Variants in TMEM68 observed in about 807,000 individuals in gnomAD.
TMEM68 encodes the protein DGAT1/2-independent enzyme synthesizing storage lipids.
In TMEM68, 25 loss-of-function variants were observed where a neutral mutation model predicts 36.9. The ratio of observed to expected loss-of-function variants is 0.68; its 90% confidence interval spans 0.49 to 0.95. The LOEUF is 0.95. Among genes scored for constraint, TMEM68 ranks in the 40% least tolerant of loss-of-function variants. The probability of loss-of-function intolerance (pLI) is 0.00; values close to 1 mark genes in which losing one functional copy is unlikely to be tolerated. For synonymous variants in TMEM68, 131 were observed against 124.4 expected (o/e 1.05, Z -0.35); for missense variants, 333 against 392.0 (o/e 0.85, Z 1.27).
In TMEM68 at chr8:55,763,035, G is replaced by T; in HGVS notation, c.-69-7C>A. On this transcript the variant is annotated splice_polypyrimidine_tract_variant and splice_region_variant and intron_variant, in intron 2 of 7. Coordinates refer to ENST00000434581, the MANE Select transcript of TMEM68 (RefSeq NM_001286657.2). Reference sequence around the variant, plus strand: ...CAGGTCGCTAATTTTGACACTAGAAGGGAAAAATAATCCAGTATTATTTTC... The same window carrying T: ...CAGGTCGCTAATTTTGACACTAGAATGGAAAAATAATCCAGTATTATTTTC... The T allele has an allele frequency of 1.4e-6, 2 of 1,435,992 alleles. No homozygotes were observed. The highest frequency in any genetic ancestry group is 1.4e-5 in the South Asian group (1 of 69,318). The allele number at this position is 1,435,992 out of a possible 1,614,324, so 89.0% of individuals were successfully genotyped here. A position where few individuals can be genotyped will look rare whatever the true frequency, so the allele number is the denominator to read the frequency against.
chr8:55,770,228 C>T (rs889363781), intron 1 of TMEM68, among the ~76,000 whole-genome samples: 4 of 152,186 alleles, frequency 2.6e-5, no homozygotes, highest in African/African-American at 7.2e-5. Flanking sequence ...GCTTCCAACA[C>T]ACTTTCTTTG....
At chr8:55,756,093 T>G (rs1045817931) in intron 4 of TMEM68, 151 bp downstream of exon 4, 2 of 456,382 alleles carry the variant, frequency 4.4e-6, no homozygotes, top group African/African-American at 4.1e-5. Context: ...TAATTAGATA[T>G]TCCCATATTA....
rs1219530124 is a variant in TMEM68, at chr8:55,739,832, T to C, written c.*300A>G. The C allele has an allele frequency of 3.4e-6, 1 of 297,678 alleles. No homozygotes were observed. The highest frequency in any genetic ancestry group is 6.2e-6 in the Non-Finnish European group (1 of 160,876). The allele number at this position is 297,678 out of a possible 1,614,324, so 18.4% of individuals were successfully genotyped here. ...TTAACGCATTATCCAGGAATGTTTG[T>C]TTAACCTAAACTGCTGTTATTAATA... is the stretch of plus-strand genomic sequence containing the variant. On this transcript the variant is annotated 3_prime_UTR_variant, in exon 8 of 8. Transcript: ENST00000434581.
chr8:55,766,857 G>A (rs918663553), intron 1 of TMEM68, among the ~76,000 whole-genome samples: 2 of 152,178 alleles, frequency 1.3e-5, no homozygotes, highest in Non-Finnish European at 2.9e-5. Context: ...CAGAGGGAAG[G>A]CAGTAGGAAA....
intron 4 of TMEM68, among the ~76,000 whole-genome samples, chr8:55,752,787 C>T (rs1003263815): frequency 7.0e-6 from 1 of 143,282 alleles, no homozygotes; most frequent in Non-Finnish European, 1.5e-5. Context: ...TGCAGGGGCA[C>T]AATAGTAGCT....
At chr8:55,755,576 C>CA (rs973559941) in intron 4 of TMEM68, among the ~76,000 whole-genome samples, 5 of 122,936 alleles carry the variant, frequency 4.1e-5, no homozygotes, top group Admixed American at 1.9e-4. Context: ...CCAGCCAAGA[C>CA]AAAATATATC....
chr8:55,754,653 TTA>T (rs1810526560), intron 4 of TMEM68, among the ~76,000 whole-genome samples: 1 of 132,470 alleles, frequency 7.5e-6, no homozygotes, highest in South Asian at 2.1e-4. Flanking sequence ...TATATTTATA[TTA>T]TATATAAAAT....
intron 1 of TMEM68, among the ~76,000 whole-genome samples, chr8:55,764,982 G>C (rs897195406): frequency 6.6e-6 from 1 of 152,166 alleles, no homozygotes; most frequent in Non-Finnish European, 1.5e-5. Context: ...TGAGGCAGGA[G>C]AAACGCTTGA....
chr8:55,743,845 G>A (rs2129909180), intron 6 of TMEM68, among the ~76,000 whole-genome samples: 1 of 152,144 alleles, frequency 6.6e-6, no homozygotes, highest in East Asian at 1.9e-4. Context: ...ATGGTGAGAA[G>A]ATTTATGAGA....
chr8:55,758,749 T>C (rs1810684374), intron 3 of TMEM68, among the ~76,000 whole-genome samples: 1 of 152,222 alleles, frequency 6.6e-6, no homozygotes, highest in Admixed American at 6.5e-5. Context: ...AAAGCTGTAG[T>C]GAGCTATGAT....
intron 5 of TMEM68, chr8:55,745,648 G>C (rs1196220502): frequency 1.3e-5 from 2 of 152,206 alleles, no homozygotes; most frequent in African/African-American, 4.8e-5. Flanking sequence ...GTGGGCTACT[G>C]AATAGTACGC....
chr8:55,750,541 C>CTT (rs10674110), intron 5 of TMEM68, among the ~76,000 whole-genome samples: 88,390 of 137,414 alleles, frequency 0.64, 29,312 homozygotes, highest in East Asian at 0.89. Context: ...ATTCTCCAGT[C>CTT]TTTTTTTTTT....
At chr8:55,759,010 G>GT (rs1716745404) in intron 3 of TMEM68, among the ~76,000 whole-genome samples, 1 of 152,108 alleles carries the variant, frequency 6.6e-6, no homozygotes, top group South Asian at 2.1e-4. Context: ...GTTTACTGAG[G>GT]TTAAGTATGA....
At chr8:55,751,180 G>A in intron 4 of TMEM68, 23 bp from the exon 5 acceptor site, 2 of 1,555,034 alleles carry the variant, frequency 1.3e-6, no homozygotes, top group Non-Finnish European at 1.7e-6. Context: ...TGAGTATGAA[G>A]TTACAACATA....
chr8:55,768,549 A>C (rs1249540707), intron 1 of TMEM68, among the ~76,000 whole-genome samples: 1 of 149,992 alleles, frequency 6.7e-6, no homozygotes, highest in African/African-American at 2.4e-5. Context: ...ACTCATCTCT[A>C]AAAAAAAAAT....
At chr8:55,755,480 C>G (rs1028930369) in intron 4 of TMEM68, among the ~76,000 whole-genome samples, 1 of 151,922 alleles carries the variant, frequency 6.6e-6, no homozygotes, top group Non-Finnish European at 1.5e-5. Context: ...CCATGTTGGC[C>G]AGGCTGGTTT....
intron 3 of TMEM68, 152 bp downstream of exon 3, chr8:55,762,483 T>G (rs1810825475): frequency 1.4e-6 from 2 of 1,415,464 alleles, no homozygotes; most frequent in South Asian, 1.4e-5. Context: ...CACATACATA[T>G]GCACAATGCA....
intron 4 of TMEM68, among the ~76,000 whole-genome samples, chr8:55,755,218 T>C (rs1437975138): frequency 6.6e-6 from 1 of 151,626 alleles, no homozygotes; most frequent in Non-Finnish European, 1.5e-5. Flanking sequence ...ATAAGAGACA[T>C]GATGTATGTA....
chr8:55,768,986 A>C (rs1811060833), intron 1 of TMEM68, among the ~76,000 whole-genome samples: 1 of 146,790 alleles, frequency 6.8e-6, no homozygotes, highest in Non-Finnish European at 1.5e-5. Flanking sequence ...ACTGCACTCC[A>C]GCCTCAGTGA....
Sources: gnomAD v4.1 joint callset for allele counts (sites outside exome capture counted in the v4.1 genomes callset) on GRCh38, gnomAD v4.1.1 for gene constraint, MANE v1.5 for transcripts, NCBI Gene and HGNC (gene_info 2026-07-23, HGNC 2026-07-21) for gene names.